The following TPRG1 variants were observed in gnomAD, a reference collection of about 807,000 sequenced individuals.
The protein encoded by TPRG1 is tumor protein p63-regulated gene 1 protein.
Under a neutral mutation model 29.3 loss-of-function variants are expected in TPRG1, and 29 were observed. The ratio of observed to expected loss-of-function variants is 0.99; its 90% CI spans 0.74 to 1.35. TPRG1 has a LOEUF of 1.35. TPRG1 is among the 40% of genes most tolerant of loss of function. The pLI is 0.00. For missense variants in TPRG1, 327 were observed against 335.0 expected (o/e 0.98, Z 0.19); for synonymous variants, 130 against 116.8 (o/e 1.11, Z -0.73).
At chr3:189,274,685 A>G (rs1350727537) in intron 4 of TPRG1, among the ~76,000 whole-genome samples, 1 of 152,108 alleles carries the variant, frequency 6.6e-6, no homozygotes, top group Admixed American at 6.6e-5. Context: ...AATCTCCAGG[A>G]TTTGCTACCT....
upstream of TPRG1, among the ~76,000 whole-genome samples, chr3:189,097,609 T>G (rs550516830): frequency 3.1e-3 from 478 of 152,352 alleles, 6 homozygotes; most frequent in African/African-American, 0.011. Context: ...TAATTTTAAC[T>G]GCATCTTTAA....
intron 4 of TPRG1, among the ~76,000 whole-genome samples, chr3:189,066,286 G>C (rs1042076305): frequency 2.0e-5 from 3 of 152,048 alleles, no homozygotes; most frequent in Non-Finnish European, 4.4e-5. Context: ...TCAATAAATA[G>C]AGGATAAGAG....
Position 189,324,426 on chromosome 3 carries a change from G to A in TPRG1, c.*3606G>A, listed in dbSNP as rs1724555673. On this transcript the variant is annotated 3_prime_UTR_variant, in exon 6 of 6. Transcript: ENST00000345063. Reference sequence around the variant, plus strand: ...ATGGGAAAGACATGCCATCTGAATTGATGTATCGTAGTTGTTGAGATAATT... The same window carrying A: ...ATGGGAAAGACATGCCATCTGAATTAATGTATCGTAGTTGTTGAGATAATT... 6.6e-6 allele frequency: 1 copy of A among 152,132 alleles called. No individual in the cohort carries two copies. The highest frequency in any genetic ancestry group is 2.1e-4 in the South Asian group (1 of 4,836). The allele number at this position is 152,132 out of a possible 1,614,324, so 9.4% of individuals were successfully genotyped here. A position where few individuals can be genotyped will look rare whatever the true frequency, so the allele number is the denominator to read the frequency against.
At position 189,320,985 on chromosome 3, in the gene TPRG1, T is replaced by C. The variant is rs1366356659; in HGVS notation, c.*165T>C. The stretch of plus-strand genomic sequence containing the variant: ...AAATTTAAAAGCTTGATTGGACTGA[T>C]AGATACACACTTTAGACCTCATACA... On this transcript the variant is annotated 3_prime_UTR_variant, in exon 6 of 6. Coordinates refer to ENST00000345063, the MANE Select transcript of TPRG1 (RefSeq NM_198485.4). 3.0e-5 allele frequency: 18 copies of C among 602,888 alleles called. No homozygotes were observed. The highest frequency in any genetic ancestry group is 5.7e-5 in the African/African-American group (3 of 52,284). The allele number at this position is 602,888 out of a possible 1,614,324, so 37.3% of individuals were successfully genotyped here. A position where few individuals can be genotyped will look rare whatever the true frequency, so the allele number is the denominator to read the frequency against.
intron 5 of TPRG1, among the ~76,000 whole-genome samples, chr3:189,164,163 T>C (rs1188445942): frequency 2.0e-5 from 3 of 152,100 alleles, no homozygotes; most frequent in South Asian, 2.1e-4. Context: ...TTTACTCTTT[T>C]TCTTTTTCTT....
chr3:189,039,357 T>G (rs1346831735), intron 4 of TPRG1, among the ~76,000 whole-genome samples: 2 of 152,156 alleles, frequency 1.3e-5, no homozygotes, highest in Non-Finnish European at 2.9e-5. Flanking sequence ...TTCCTGGCAC[T>G]CTCCAAACTT....
chr3:189,085,372 C>A (rs1183687402), intron 4 of TPRG1, among the ~76,000 whole-genome samples: 2 of 151,948 alleles, frequency 1.3e-5, no homozygotes, highest in African/African-American at 4.8e-5. Flanking sequence ...TATTGGAAAA[C>A]AAAAGGGAAA....
Position 189,262,092 on chromosome 3 carries a change from G to A in TPRG1, c.479+23183G>A, listed in dbSNP as rs115379463. 9.3e-3 allele frequency among the ~76,000 whole-genome samples: 1,423 copies of A among 152,194 alleles called. 23 individuals are homozygous for A. Among genetic ancestry groups the A allele is most frequent in the African/African-American group, 0.032 (1,317 of 41,520 alleles). On this transcript the variant is annotated intron_variant, in intron 4 of 5. Coordinates refer to ENST00000345063, the MANE Select transcript of TPRG1 (RefSeq NM_198485.4). ...GATAGTTTGGAGAAAAGAGAAGCTGGACAAAAGGGCCAGCTAAGGGAGAAA... is the reference window on the plus strand; with the variant it reads ...GATAGTTTGGAGAAAAGAGAAGCTGAACAAAAGGGCCAGCTAAGGGAGAAA...
intron 4 of TPRG1, among the ~76,000 whole-genome samples, chr3:189,092,093 T>C (rs1011189878): frequency 1.3e-5 from 2 of 152,218 alleles, no homozygotes; most frequent in Non-Finnish European, 1.5e-5. Context: ...CTAACACAAC[T>C]GGATCTTTTC....
chr3:189,217,663 G>A (rs1003225325), intron 3 of TPRG1, among the ~76,000 whole-genome samples: 2 of 152,122 alleles, frequency 1.3e-5, no homozygotes, highest in African/African-American at 2.4e-5. Context: ...CTCATCGTGG[G>A]TTCCGAGATG....
intron 3 of TPRG1, among the ~76,000 whole-genome samples, chr3:189,226,062 A>G (rs1737674857): frequency 6.6e-6 from 1 of 152,224 alleles, no homozygotes; most frequent in African/African-American, 2.4e-5. Context: ...ATAGTTTGAG[A>G]CTTCAACAGT....
chr3:189,237,443 T>C (rs1739701516), intron 3 of TPRG1, among the ~76,000 whole-genome samples: 1 of 152,218 alleles, frequency 6.6e-6, no homozygotes, highest in African/African-American at 2.4e-5. Flanking sequence ...CATTTTATAC[T>C]TCATTTCTTC....
At chr3:189,270,564 G>T (rs1482392701) in intron 4 of TPRG1, among the ~76,000 whole-genome samples, 1 of 152,218 alleles carries the variant, frequency 6.6e-6, no homozygotes, top group Non-Finnish European at 1.5e-5. Flanking sequence ...GGCTGGTAGG[G>T]CTAGGGTTGG....
rs139155021 is a variant in TPRG1, at chr3:189,206,182, C to A, written c.-9-1194C>A. 2.8e-4 allele frequency among the ~76,000 whole-genome samples: 41 copies of A among 146,322 alleles called. No homozygotes were observed. In the East Asian group the frequency reaches 8.1e-3, roughly 29 times the overall value. On this transcript the variant is annotated intron_variant, in intron 1 of 5. Transcript: ENST00000345063. ...TCTCTTTCTTTCTAAATTATTTTAA[C>A]AAATTGGAATAATATTATTTATAAT... is the stretch of plus-strand genomic sequence containing the variant.
At chr3:189,074,461 T>C (rs1717009806) in intron 4 of TPRG1, among the ~76,000 whole-genome samples, 1 of 152,014 alleles carries the variant, frequency 6.6e-6, no homozygotes, top group African/African-American at 2.4e-5. Flanking sequence ...CGCGTCGGCC[T>C]CCCAAGTGCT....
At chr3:189,283,628 G>A (rs921054271) in intron 4 of TPRG1, among the ~76,000 whole-genome samples, 1 of 152,138 alleles carries the variant, frequency 6.6e-6, no homozygotes, top group Non-Finnish European at 1.5e-5. Context: ...CCAGAGAGAA[G>A]GTTTTCTGTT....
At chr3:189,278,501 T>G (rs1015495284) in intron 4 of TPRG1, among the ~76,000 whole-genome samples, 4 of 152,240 alleles carry the variant, frequency 2.6e-5, no homozygotes, top group Admixed American at 2.6e-4. Flanking sequence ...AATGATGCTA[T>G]GAACAATGCC....
At chr3:189,160,918 T>C (rs907961213) in intron 5 of TPRG1, among the ~76,000 whole-genome samples, 5 of 152,224 alleles carry the variant, frequency 3.3e-5, no homozygotes, top group Admixed American at 3.3e-4. Flanking sequence ...ATGCTACTTA[T>C]GGCTGGAATC....
chr3:189,025,093 C>T, intron 4 of TPRG1, among the ~76,000 whole-genome samples: 1 of 152,208 alleles, frequency 6.6e-6, no homozygotes, highest in East Asian at 1.9e-4. Flanking sequence ...GCCTGAGATG[C>T]CATCACCTTT....
Sources: allele counts gnomAD v4.1 joint callset (sites outside exome capture counted in the v4.1 genomes callset), GRCh38; gene constraint gnomAD v4.1.1; transcripts MANE v1.5; gene names NCBI Gene and HGNC (gene_info 2026-07-23, HGNC 2026-07-21).